The following HEPACAM variants were observed in gnomAD, a reference collection of about 807,000 sequenced individuals.
HEPACAM encodes the protein hepatic and glial cell adhesion molecule.
Under a neutral mutation model 38.3 loss-of-function variants are expected in HEPACAM, and 18 were observed. The ratio of observed to expected loss-of-function variants is 0.47; its 90% CI spans 0.33 to 0.70. The LOEUF (loss-of-function observed/expected upper bound fraction) is 0.70. HEPACAM is among the 30% of genes least tolerant of loss of function. The pLI, the probability that HEPACAM is intolerant of heterozygous loss-of-function variation, is 0.03. For missense variants in HEPACAM, 466 were observed against 563.0 expected (o/e 0.83, Z 1.74); for synonymous variants, 216 against 243.1 (o/e 0.89, Z 1.04).
chr11:124,927,835 G>C (rs970020906), intron 1 of HEPACAM, among the ~76,000 whole-genome samples: 3 of 152,060 alleles, frequency 2.0e-5, no homozygotes, highest in Non-Finnish European at 4.4e-5. Context: ...AGGTTGCAGT[G>C]AGCTGAGATT....
intron 1 of HEPACAM, among the ~76,000 whole-genome samples, chr11:124,933,455 G>A (rs1425337003): frequency 6.6e-6 from 1 of 152,142 alleles, no homozygotes; most frequent in African/African-American, 2.4e-5. Flanking sequence ...ACAAGCATGA[G>A]CCACCGCTCC....
At chr11:124,922,329 T>C (rs2135397342) in intron 6 of HEPACAM, 59 bp downstream of exon 6, 2 of 1,457,796 alleles carry the variant, frequency 1.4e-6, no homozygotes, top group Non-Finnish European at 1.9e-6. Flanking sequence ...CTCCCTAGCA[T>C]CAGGCATGTG....
chr11:124,932,814 C>A (rs547274946), intron 1 of HEPACAM, among the ~76,000 whole-genome samples: 2 of 152,254 alleles, frequency 1.3e-5, no homozygotes, highest in East Asian at 1.9e-4. Context: ...AAATAAAATT[C>A]TCTACCTGGA....
At position 124,920,677 on chromosome 11, in the gene HEPACAM, G is replaced by GAAAAAAAA. The variant is rs1565336612; in HGVS notation, c.*460_*461insTTTTTTTT. 107 of 108,108 alleles carry GAAAAAAAA rather than the reference G, an allele frequency of 9.9e-4. 8 individuals are homozygous for GAAAAAAAA. In the African/African-American group the frequency reaches 0.017, roughly 18 times the overall value. The allele number at this position is 108,108 out of a possible 1,614,324, so 6.7% of individuals were successfully genotyped here. On this transcript the variant is annotated 3_prime_UTR_variant, in exon 7 of 7. Coordinates refer to ENST00000298251, the MANE Select transcript of HEPACAM (RefSeq NM_152722.5). The stretch of plus-strand genomic sequence containing the variant: ...AAAGTGGCCTCTCTAATCTGAACTT[G>GAAAAAAAA]CAAAAAAAAAAAAAAAAAAAAAAAA...
rs948397628 is a variant in HEPACAM, at chr11:124,921,597, A to G, written c.949-157T>C. 6.6e-6 allele frequency among the ~76,000 whole-genome samples: 1 copy of G among 152,176 alleles called. No individual in the cohort carries two copies. Among genetic ancestry groups the G allele is most frequent in the African/African-American group, 2.4e-5 (1 of 41,432 alleles). Reference sequence around the variant, plus strand: ...GCAGACAGGTCTGGTTTTCCTGGCGATATTCCACACTGAGCATGGGGCCTC... The same window carrying G: ...GCAGACAGGTCTGGTTTTCCTGGCGGTATTCCACACTGAGCATGGGGCCTC... On this transcript the variant is annotated intron_variant, in intron 6 of 6. Coordinates refer to ENST00000298251, the MANE Select transcript of HEPACAM (RefSeq NM_152722.5). This position sits in a 1 kb window ranked among gnomAD's most constrained non-coding sequence, Gnocchi z 4.6.
chr11:124,922,210 T>G (rs1232526795), intron 6 of HEPACAM, among the ~76,000 whole-genome samples, 178 bp downstream of exon 6: 1 of 152,232 alleles, frequency 6.6e-6, no homozygotes, highest in Non-Finnish European at 1.5e-5. Context: ...AGTTTCATCC[T>G]GAAACCACCC....
At chr11:124,931,051 A>G (rs1382113794) in intron 1 of HEPACAM, among the ~76,000 whole-genome samples, 1 of 152,252 alleles carries the variant, frequency 6.6e-6, no homozygotes, top group East Asian at 1.9e-4. Flanking sequence ...AGCGAAAGGC[A>G]AACCATAAAG....
chr11:124,931,987 A>C (rs1469913691), intron 1 of HEPACAM, among the ~76,000 whole-genome samples: 1 of 152,264 alleles, frequency 6.6e-6, no homozygotes, highest in Non-Finnish European at 1.5e-5. Context: ...AAGACTGAAT[A>C]CATATGATAC....
At chr11:124,929,382 A>G (rs1358507490) in intron 1 of HEPACAM, among the ~76,000 whole-genome samples, 1 of 152,184 alleles carries the variant, frequency 6.6e-6, no homozygotes, top group Non-Finnish European at 1.5e-5. Flanking sequence ...GAAAGCTGAC[A>G]GAGAGAGCAG....
intron 1 of HEPACAM, among the ~76,000 whole-genome samples, chr11:124,935,351 AG>A (rs1408140506): frequency 6.6e-6 from 1 of 152,060 alleles, no homozygotes; most frequent in Admixed American, 6.5e-5. Flanking sequence ...ACTCATAAAT[AG>A]GTATATTTAA....
At position 124,920,678 on chromosome 11, in the gene HEPACAM, C is replaced by CCAAA. The variant is rs886047925; in HGVS notation, c.*459_*460insTTTG. ...AAGTGGCCTCTCTAATCTGAACTTGCAAAAAAAAAAAAAAAAAAAAAAAAA... is the reference window on the plus strand; with the variant it reads ...AAGTGGCCTCTCTAATCTGAACTTGCCAAAAAAAAAAAAAAAAAAAAAAAAAAAA... On this transcript the variant is annotated 3_prime_UTR_variant, in exon 7 of 7. Coordinates refer to ENST00000298251, the MANE Select transcript of HEPACAM (RefSeq NM_152722.5). The CCAAA allele has an allele frequency of 8.7e-6, 5 of 575,262 alleles. No individual in the cohort carries two copies. The African/African-American group carries it at 2.3e-4, about 27-fold the overall frequency. 35.6% of individuals were successfully genotyped at this position (575,262 alleles called of 1,614,324 possible). A position where few individuals can be genotyped will look rare whatever the true frequency, so the allele number is the denominator to read the frequency against.
At chr11:124,926,224 T>A (rs1342023931) in intron 1 of HEPACAM, among the ~76,000 whole-genome samples, 3 of 152,042 alleles carry the variant, frequency 2.0e-5, no homozygotes, top group African/African-American at 7.2e-5. Flanking sequence ...AATAAAAAAA[T>A]AACAACAGCA....
chr11:124,923,293 T>C lies in HEPACAM; in HGVS notation c.803+47A>G, dbSNP rs768833644. The stretch of plus-strand genomic sequence containing the variant: ...ACTTAAGAAAATAATGGGGCTTAGG[T>C]TTGGGATGGATTGAAGGACTCAGGT... On this transcript the variant is annotated intron_variant, in intron 4 of 6. Coordinates refer to ENST00000298251, the MANE Select transcript of HEPACAM (RefSeq NM_152722.5). 8 of 1,222,694 alleles carry C rather than the reference T, an allele frequency of 6.5e-6. No homozygotes were observed. The African/African-American group carries it at 1.2e-4, about 18-fold the overall frequency. 75.7% of individuals were successfully genotyped at this position (1,222,694 alleles called of 1,614,324 possible). A position where few individuals can be genotyped will look rare whatever the true frequency, so the allele number is the denominator to read the frequency against.
rs763291809 is a variant in HEPACAM at position 124,927,510 on chromosome 11, G to GTTTTTTTTTTTT, written c.86-2453_86-2442dup. On this transcript the variant is annotated intron_variant, in intron 1 of 6. Transcript: ENST00000298251. ...GGCATGTGCCACTATGCCCAGCTAG[G>GTTTTTTTTTTTT]TTTTTTTTTTTTGTTTTTTTTTTTT... 6.1e-3 allele frequency among the ~76,000 whole-genome samples: 601 copies of GTTTTTTTTTTTT among 98,878 alleles called. 8 individuals are homozygous for GTTTTTTTTTTTT. Among genetic ancestry groups the GTTTTTTTTTTTT allele is most frequent in the East Asian group, 0.031 (68 of 2,214 alleles). The allele number at this position is 98,878 out of a possible 152,430, so 64.9% of individuals were successfully genotyped here.
chr11:124,923,175 G>A (rs980132162), intron 4 of HEPACAM, among the ~76,000 whole-genome samples, 165 bp downstream of exon 4: 5 of 152,184 alleles, frequency 3.3e-5, no homozygotes, highest in Non-Finnish European at 7.3e-5. Flanking sequence ...GGTTGTGGGG[G>A]CTTTGGAGCA....
intron 1 of HEPACAM, among the ~76,000 whole-genome samples, chr11:124,927,549 A>G (rs1591551224): frequency 2.0e-5 from 1 of 50,082 alleles, no homozygotes; most frequent in Admixed American, 2.0e-4. Flanking sequence ...ATTTTTTTGT[A>G]GAAACGGGAT....
At chr11:124,930,807 G>A (rs1005427612) in intron 1 of HEPACAM, among the ~76,000 whole-genome samples, 2 of 152,182 alleles carry the variant, frequency 1.3e-5, no homozygotes, top group African/African-American at 2.4e-5. Context: ...GGATAAAAAC[G>A]AATTGACCCT....
At position 124,920,307 on chromosome 11, in the gene HEPACAM, C is replaced by T. The variant is rs115556036; in HGVS notation, c.*831G>A. 22 of 1,289,202 alleles carry T rather than the reference C, an allele frequency of 1.7e-5. No individual in the cohort carries two copies. Among genetic ancestry groups the T allele is most frequent in the African/African-American group, 3.0e-5 (2 of 66,694 alleles). The allele number at this position is 1,289,202 out of a possible 1,614,324, so 79.9% of individuals were successfully genotyped here. ...ACAGTTCCTCATTTGGTCTAGTTTT[C>T]GGGCCAGGGGAGTAAGTGAAATTCA... On this transcript the variant is annotated 3_prime_UTR_variant, in exon 7 of 7. Coordinates refer to ENST00000298251, the MANE Select transcript of HEPACAM (RefSeq NM_152722.5).
rs368339941 is a variant in HEPACAM, at chr11:124,919,543, T to A, written c.*1595A>T. 3.4e-6 allele frequency: 2 copies of A among 594,658 alleles called. No homozygotes were observed. Among genetic ancestry groups the A allele is most frequent in the East Asian group, 2.8e-5 (1 of 35,796 alleles). 36.8% of individuals were successfully genotyped at this position (594,658 alleles called of 1,614,324 possible). A position where few individuals can be genotyped will look rare whatever the true frequency, so the allele number is the denominator to read the frequency against. On this transcript the variant is annotated 3_prime_UTR_variant, in exon 7 of 7. Coordinates refer to ENST00000298251, the MANE Select transcript of HEPACAM (RefSeq NM_152722.5). ...TGCCTCTTCCACCTTCTTGAGAAAC[T>A]TTTCCCCTACATGCATTATCTCATT...
Sources: gnomAD v4.1 joint callset for allele counts (sites outside exome capture counted in the v4.1 genomes callset) on GRCh38, gnomAD v4.1.1 for gene constraint, Gnocchi (gnomAD v3.1) non-coding constraint, MANE v1.5 for transcripts, NCBI Gene and HGNC (gene_info 2026-07-23, HGNC 2026-07-21) for gene names.